HIBADH: variants seen among roughly 807,000 people sequenced by gnomAD.
The protein encoded by HIBADH is 3-hydroxyisobutyrate dehydrogenase, also known as 3-hydroxyisobutyrate dehydrogenase, mitochondrial.
In HIBADH, 25 loss-of-function variants were observed where a neutral mutation model predicts 36.1. The ratio of observed to expected loss-of-function variants is 0.69; its 90% CI spans 0.50 to 0.97. The LOEUF is 0.97. Among genes scored for constraint, HIBADH ranks in the 50% least tolerant of loss-of-function variants. HIBADH has a pLI of 0.00. For synonymous variants in HIBADH, 160 were observed against 149.5 expected (o/e 1.07, Z -0.51); for missense variants, 421 against 418.0 (o/e 1.01, Z -0.06).
intron 4 of HIBADH, among the ~76,000 whole-genome samples, chr7:27,565,473 T>C (rs1440972092): frequency 1.3e-5 from 2 of 152,190 alleles, no homozygotes; most frequent in Non-Finnish European, 2.9e-5. Context: ...AACACCAATG[T>C]TGATTGCTAG....
At chr7:27,561,783 A>T (rs1784472018) in intron 4 of HIBADH, among the ~76,000 whole-genome samples, 1 of 152,154 alleles carries the variant, frequency 6.6e-6, no homozygotes, top group Admixed American at 6.5e-5. Context: ...TTCTGAGGTT[A>T]TTAGGTACAA....
chr7:27,629,303 C>T (rs1239209210), intron 4 of HIBADH, 68 bp downstream of exon 4: 11 of 1,494,212 alleles, frequency 7.4e-6, no homozygotes, highest in Non-Finnish European at 1.0e-5. Context: ...CCATATGGTA[C>T]AACAAAACCA....
rs1038731267 is a variant in HIBADH, at chr7:27,649,889, TA to T, written c.92-257del. On this transcript the variant is annotated intron_variant, in intron 1 of 7. Transcript: ENST00000265395. Reference sequence around the variant, plus strand: ...CTCAAAAATAAATAATAATATTTATTAAAAAAAAAACCCACTAACTTTTAAA... The same window carrying T: ...CTCAAAAATAAATAATAATATTTATTAAAAAAAAACCCACTAACTTTTAAA... Among the ~76,000 whole-genome samples, 1,016 of 147,050 alleles carry T rather than the reference TA, an allele frequency of 6.9e-3. 7 individuals carry two copies. Among genetic ancestry groups the T allele is most frequent in the Middle Eastern group, 0.014 (4 of 292 alleles).
At chr7:27,575,877 C>T (rs1241890453) in intron 4 of HIBADH, among the ~76,000 whole-genome samples, 4 of 152,202 alleles carry the variant, frequency 2.6e-5, no homozygotes, top group Non-Finnish European at 5.9e-5. Context: ...GCCATCTGCT[C>T]GCAGCAACAG....
At chr7:27,606,448 T>C (rs900955326) in intron 4 of HIBADH, among the ~76,000 whole-genome samples, 1 of 152,236 alleles carries the variant, frequency 6.6e-6, no homozygotes, top group African/African-American at 2.4e-5. Context: ...TTACCTTAAG[T>C]TGAAATGAAA....
intron 4 of HIBADH, among the ~76,000 whole-genome samples, chr7:27,624,431 G>T (rs1785603585): frequency 6.6e-6 from 1 of 152,152 alleles, no homozygotes; most frequent in Admixed American, 6.5e-5. Flanking sequence ...GATAATACAA[G>T]CAACATTAAA....
At chr7:27,599,848 G>C (rs573738584) in intron 4 of HIBADH, among the ~76,000 whole-genome samples, 1 of 151,152 alleles carries the variant, frequency 6.6e-6, no homozygotes, top group African/African-American at 2.4e-5. Context: ...ATGTTTGTTG[G>C]TCCTTTATAA....
chr7:27,649,595 A>T lies in HIBADH; in HGVS notation c.130T>A (p.Phe44Ile). 6.2e-7 allele frequency: 1 copy of T among 1,613,942 alleles called. No homozygotes were observed. Among genetic ancestry groups the T allele is most frequent in the Non-Finnish European group, 8.5e-7 (1 of 1,179,872 alleles). Residue 44 changes from phenylalanine (F) to isoleucine (I), a missense_variant, in exon 2 of 8, where the codon TTC becomes ATC. Phe to Ile is a conservative substitution (Grantham distance 21). Transcript: ENST00000265395. ...RSVASKTPVG[F>I]IGLGNMGNPM... ...TTCCCCATGTTGCCCAGTCCAATGA[A>T]TCCAACTGGAGTCTTTGAAGCCACT...
chr7:27,562,407 T>C (rs1784481497), intron 4 of HIBADH, among the ~76,000 whole-genome samples: 1 of 152,220 alleles, frequency 6.6e-6, no homozygotes, highest in Non-Finnish European at 1.5e-5. Context: ...TATTTAGATA[T>C]TTTCAGATTT....
chr7:27,643,635 T>C (rs2128296144), intron 2 of HIBADH, among the ~76,000 whole-genome samples: 1 of 152,320 alleles, frequency 6.6e-6, no homozygotes, highest in South Asian at 2.1e-4. Flanking sequence ...GTTTGCTACA[T>C]TAGTTTTCCA....
chr7:27,533,417 T>A (rs1241855067), intron 6 of HIBADH, among the ~76,000 whole-genome samples: 1 of 152,088 alleles, frequency 6.6e-6, no homozygotes, highest in Non-Finnish European at 1.5e-5. Flanking sequence ...AATCTGATGC[T>A]TCCCCACCGT....
intron 4 of HIBADH, among the ~76,000 whole-genome samples, chr7:27,548,187 T>C (rs1784261729): frequency 2.2e-5 from 2 of 90,724 alleles, no homozygotes; most frequent in Admixed American, 2.9e-4. Flanking sequence ...AGTCAGCCTC[T>C]CTCTCTCTTA....
At chr7:27,526,434 G>GTTTTGGC (rs1783899161) in intron 7 of HIBADH, 62 bp from the exon 8 acceptor site, 17 of 1,351,840 alleles carry the variant, frequency 1.3e-5, no homozygotes, top group Admixed American at 5.2e-5. Flanking sequence ...TGGAACTGTG[G>GTTTTGGC]TTCCTTATGT....
intron 4 of HIBADH, among the ~76,000 whole-genome samples, chr7:27,556,830 A>G (rs1400043236): frequency 6.6e-6 from 1 of 152,136 alleles, no homozygotes; most frequent in Non-Finnish European, 1.5e-5. Context: ...TGGAGTCCTA[A>G]TTGTCTTATT....
intron 2 of HIBADH, among the ~76,000 whole-genome samples, chr7:27,636,037 C>T (rs1378700469): frequency 6.6e-6 from 1 of 152,104 alleles, no homozygotes; most frequent in Non-Finnish European, 1.5e-5. Context: ...TAAAAATCTG[C>T]TAAAATAAAT....
chr7:27,660,045 G>A (rs934550925), intron 1 of HIBADH, among the ~76,000 whole-genome samples: 1 of 152,128 alleles, frequency 6.6e-6, no homozygotes, highest in Non-Finnish European at 1.5e-5. Context: ...AACACGGGGA[G>A]ACCTGTCTCT....
Position 27,548,232 on chromosome 7 carries a change from G to A in HIBADH, c.485-5132C>T, listed in dbSNP as rs115040868. Among the ~76,000 whole-genome samples the A allele has an allele frequency of 1.6e-3, 240 of 147,346 alleles. 2 individuals carry two copies. The highest frequency in any genetic ancestry group is 5.6e-3 in the African/African-American group (224 of 39,898). On this transcript the variant is annotated intron_variant, in intron 4 of 7. Transcript: ENST00000265395. ...AAAAGTATCATAGAGGACTCCATTTGCTAAACTGCCTTCTTTCTTCCCTTC... is the reference window on the plus strand; with the variant it reads ...AAAAGTATCATAGAGGACTCCATTTACTAAACTGCCTTCTTTCTTCCCTTC...
Position 27,526,336 on chromosome 7 carries a change from T to C in HIBADH, c.889A>G (p.Lys297Glu), listed in dbSNP as rs748969203. 4.3e-6 allele frequency: 7 copies of C among 1,613,112 alleles called. No homozygotes were observed. The highest frequency in any genetic ancestry group is 5.9e-6 in the Non-Finnish European group (7 of 1,179,580). Reference sequence around the variant, plus strand: ...AGACTGCCAAGAAGGATTGGGCTCTTTGTGCTGGTAGCAGAGTCTTGTGCC... The same window carrying C: ...AGACTGCCAAGAAGGATTGGGCTCTCTGTGCTGGTAGCAGAGTCTTGTGCC... ...GLAQDSATST[K>E]SPILLGSLAH... Residue 297 changes from lysine to glutamate, a missense_variant, in exon 8 of 8, where the codon AAG (lysine) becomes GAG (glutamate). By Grantham distance (56) the Lys-to-Glu change is moderately conservative. Transcript: ENST00000265395.
At chr7:27,615,477 A>C (rs1042738545) in intron 4 of HIBADH, among the ~76,000 whole-genome samples, 1 of 152,228 alleles carries the variant, frequency 6.6e-6, no homozygotes, top group African/African-American at 2.4e-5. Context: ...TTTAACAGCT[A>C]GACATACTAC....
Sources: gnomAD v4.1 joint callset for allele counts (sites outside exome capture counted in the v4.1 genomes callset) on GRCh38, gnomAD v4.1.1 for gene constraint, MANE v1.5 for transcripts, NCBI Gene and HGNC (gene_info 2026-07-23, HGNC 2026-07-21) for gene names.